Variants in BAZ1A observed in about 807,000 individuals in gnomAD.
BAZ1A encodes the protein bromodomain adjacent to zinc finger domain 1A, also known as bromodomain adjacent to zinc finger domain protein 1A.
In BAZ1A, 50 loss-of-function variants were observed where a neutral mutation model predicts 185.2. The ratio of observed to expected loss-of-function variants is 0.27; its 90% CI spans 0.22 to 0.34. The LOEUF (loss-of-function observed/expected upper bound fraction) is 0.34. Ranked by LOEUF, BAZ1A falls within the 10% of genes least tolerant of loss-of-function variation. The probability of loss-of-function intolerance (pLI) is 1.00; values close to 1 mark genes in which losing one functional copy is unlikely to be tolerated. For synonymous variants in BAZ1A, 571 were observed against 615.6 expected (o/e 0.93, Z 1.07); for missense variants, 1,356 against 1,839.9 (o/e 0.74, Z 4.81).
At chr14:34,775,387 G>T (rs1325458444) in intron 18 of BAZ1A, among the ~76,000 whole-genome samples, 1 of 152,124 alleles carries the variant, frequency 6.6e-6, no homozygotes, top group African/African-American at 2.4e-5. Flanking sequence ...TTTACCTAGA[G>T]AATCTAATTT....
chr14:34,775,084 C>T (rs927285902), intron 18 of BAZ1A, among the ~76,000 whole-genome samples: 3 of 151,714 alleles, frequency 2.0e-5, no homozygotes, highest in South Asian at 2.1e-4. Flanking sequence ...GGTGTGGTGG[C>T]GGGCGCCTGT....
chr14:34,809,373 G>A (rs1218088724), intron 5 of BAZ1A, among the ~76,000 whole-genome samples: 1 of 152,116 alleles, frequency 6.6e-6, no homozygotes, highest in African/African-American at 2.4e-5. Flanking sequence ...GCCACATATT[G>A]TTTATTTATA....
At chr14:34,866,914 C>T (rs527585382) in intron 2 of BAZ1A, among the ~76,000 whole-genome samples, 5 of 150,878 alleles carry the variant, frequency 3.3e-5, no homozygotes, top group East Asian at 3.9e-4. Context: ...CATTTCAATA[C>T]GTAATAAACA....
At chr14:34,846,095 T>C (rs1206030634) in intron 3 of BAZ1A, among the ~76,000 whole-genome samples, 1 of 152,168 alleles carries the variant, frequency 6.6e-6, no homozygotes, top group African/African-American at 2.4e-5. Context: ...TTATAATATT[T>C]GCCTGCCACT....
In BAZ1A at chr14:34,825,581, T is replaced by C. The variant is rs190382393; in HGVS notation, c.536+432A>G. 4.6e-3 allele frequency among the ~76,000 whole-genome samples: 690 copies of C among 151,308 alleles called. 3 individuals carry two copies. In the Middle Eastern group the frequency reaches 0.062, roughly 14 times the overall value. ...GAAAATTCTAACATCATTGTTGAACTAGATTGTTTAGATGGGTACTATACC... is the reference window on the plus strand; with the variant it reads ...GAAAATTCTAACATCATTGTTGAACCAGATTGTTTAGATGGGTACTATACC... On this transcript the variant is annotated intron_variant, in intron 4 of 26. Transcript: ENST00000360310.
intron 12 of BAZ1A, among the ~76,000 whole-genome samples, chr14:34,791,856 A>C (rs1387108392): frequency 6.6e-6 from 1 of 152,234 alleles, no homozygotes; most frequent in Non-Finnish European, 1.5e-5. Context: ...GGTAAATCCT[A>C]AACAAAATAG....
chr14:34,843,933 C>G (rs111887201), intron 3 of BAZ1A, among the ~76,000 whole-genome samples: 1 of 151,978 alleles, frequency 6.6e-6, no homozygotes, highest in African/African-American at 2.4e-5. Flanking sequence ...CGGCCGGGCG[C>G]GGTGGCTCAC....
Position 34,764,761 on chromosome 14 carries a change from T to G in BAZ1A, c.3722A>C (p.Glu1241Ala). The change falls in exon 23 of 27, where the codon GAA (glutamate) becomes GCA (alanine). Residue 1241 changes from glutamate to alanine, a missense_variant. By Grantham distance (107) the Glu-to-Ala change is moderately radical. Around this residue, in one of 7 missense-constraint regions of BAZ1A, gnomAD observed 309 missense variants for 355.3 expected, o/e 0.87. Transcript: ENST00000360310. ...TTCATCTTGTTCTACCTCATACTCTTCCTCCTCACTTTGACCTTCTTCTTC... is the reference window on the plus strand; with the variant it reads ...TTCATCTTGTTCTACCTCATACTCTGCCTCCTCACTTTGACCTTCTTCTTC... ...GDEEEGQSEEEEYEVEQDEDD... is the reference protein window; with the variant it reads ...GDEEEGQSEEAEYEVEQDEDD... The G allele has an allele frequency of 6.2e-7, 1 of 1,608,700 alleles. No individual in the cohort carries two copies. Among genetic ancestry groups the G allele is most frequent in the Non-Finnish European group, 8.5e-7 (1 of 1,175,098 alleles).
At chr14:34,773,549 A>G in intron 20 of BAZ1A, 23 bp downstream of exon 20, 4 of 1,541,318 alleles carry the variant, frequency 2.6e-6, no homozygotes, top group Non-Finnish European at 3.5e-6. Flanking sequence ...AGTAATGGTT[A>G]CTTTAGAAAA....
chr14:34,785,659 T>C (rs1880391183), intron 14 of BAZ1A, 118 bp downstream of exon 14: 3 of 752,806 alleles, frequency 4.0e-6, no homozygotes, highest in South Asian at 1.9e-5. Flanking sequence ...ATAGTTTGCT[T>C]TCTCTTTTTC....
At chr14:34,771,424 G>A in intron 21 of BAZ1A, 87 bp downstream of exon 21, 1 of 1,246,596 alleles carries the variant, frequency 8.0e-7, no homozygotes, top group Non-Finnish European at 1.1e-6. Flanking sequence ...ATTTCATTAT[G>A]TCAGCCAATA....
At chr14:34,831,256 T>C (rs921152302) in intron 3 of BAZ1A, among the ~76,000 whole-genome samples, 8 of 152,200 alleles carry the variant, frequency 5.3e-5, no homozygotes, top group Admixed American at 2.6e-4. Flanking sequence ...GCTGCCATGT[T>C]CTCCCAAAAT....
At position 34,802,994 on chromosome 14, in the gene BAZ1A, T is replaced by G; in HGVS notation, c.727-6A>C. 6.2e-7 allele frequency: 1 copy of G among 1,606,022 alleles called. No individual in the cohort carries two copies. Among genetic ancestry groups the G allele is most frequent in the Non-Finnish European group, 8.5e-7 (1 of 1,173,132 alleles). The stretch of plus-strand genomic sequence containing the variant: ...TACGTTGAAAGAGATGATGCCTTAA[T>G]AAAACAAAGACATAGGGTACAATAA... On this transcript the variant is annotated splice_polypyrimidine_tract_variant and splice_region_variant and intron_variant, in intron 6 of 26. Coordinates refer to ENST00000360310, the MANE Select transcript of BAZ1A (RefSeq NM_013448.3).
rs35830800 is a variant in BAZ1A, at chr14:34,816,080, CTTTTTTTTTT to C, written c.537-5054_537-5045del. ...AAGCTACATACATATTATTCCAGAC[CTTTTTTTTTT>C]TTTTTTTTTTTTTTTGAGATAGTGT... On this transcript the variant is annotated intron_variant, in intron 4 of 26. Transcript: ENST00000360310. Among the ~76,000 whole-genome samples, 5 of 79,426 alleles carry C rather than the reference CTTTTTTTTTT, an allele frequency of 6.3e-5. No individual in the cohort carries two copies. The South Asian group carries it at 1.8e-3, about 28-fold the overall frequency. The allele number at this position is 79,426 out of a possible 152,430, so 52.1% of individuals were successfully genotyped here.
rs561214845 is a variant in BAZ1A at position 34,762,936 on chromosome 14, G to C, written c.3777-713C>G. Among the ~76,000 whole-genome samples the C allele has an allele frequency of 4.6e-5, 7 of 152,238 alleles. No homozygotes were observed. The South Asian group carries it at 1.2e-3, about 27-fold the overall frequency. On this transcript the variant is annotated intron_variant, in intron 23 of 26. Coordinates refer to ENST00000360310, the MANE Select transcript of BAZ1A (RefSeq NM_013448.3). ...AAATGAAATTCTTTTGTCTCCTTTT[G>C]CTACAGGAGACTACCACTTTTCATT... is the stretch of plus-strand genomic sequence containing the variant.
At position 34,875,320 on chromosome 14, in the gene BAZ1A, G is replaced by C. The variant is rs1451368405; in HGVS notation, c.-241C>G. The C allele has an allele frequency of 2.2e-6, 1 of 455,978 alleles. No individual in the cohort carries two copies. Among genetic ancestry groups the C allele is most frequent in the Non-Finnish European group, 4.4e-6 (1 of 226,756 alleles). The allele number at this position is 455,978 out of a possible 1,614,324, so 28.2% of individuals were successfully genotyped here. ...TCCCACCGCCACTTCCCCGCCTCTCGGAGCTCCTGGGAAGTTTCTGATCTA... is the reference window on the plus strand; with the variant it reads ...TCCCACCGCCACTTCCCCGCCTCTCCGAGCTCCTGGGAAGTTTCTGATCTA... On this transcript the variant is annotated 5_prime_UTR_variant, in exon 1 of 27. Coordinates refer to ENST00000360310, the MANE Select transcript of BAZ1A (RefSeq NM_013448.3).
intron 2 of BAZ1A, among the ~76,000 whole-genome samples, chr14:34,869,519 A>C (rs1183001350): frequency 7.4e-6 from 1 of 135,044 alleles, no homozygotes; most frequent in East Asian, 5.7e-4. Context: ...TTCTAGGAAG[A>C]AAGAGTTTTT....
chr14:34,875,088 C>T lies in BAZ1A; in HGVS notation c.-59+50G>A, dbSNP rs1393539161. ...CGGAGCTGCTCCGCTTTGTTCCCGG[C>T]TCGCCTCCACTTCCCCGCCGGCGCC... On this transcript the variant is annotated intron_variant, in intron 1 of 26. Coordinates refer to ENST00000360310, the MANE Select transcript of BAZ1A (RefSeq NM_013448.3). 9 of 360,716 alleles carry T rather than the reference C, an allele frequency of 2.5e-5. No homozygotes were observed. The East Asian group carries it at 6.7e-4, about 27-fold the overall frequency. The allele number at this position is 360,716 out of a possible 1,614,324, so 22.3% of individuals were successfully genotyped here.
intron 5 of BAZ1A, among the ~76,000 whole-genome samples, chr14:34,808,298 A>T (rs922433583): frequency 2.0e-5 from 3 of 152,048 alleles, no homozygotes; most frequent in African/African-American, 7.2e-5. Context: ...GTTCGAGACC[A>T]GCCTGGCCAA....
Sources: gnomAD v4.1 joint callset for allele counts (sites outside exome capture counted in the v4.1 genomes callset) on GRCh38, gnomAD v4.1.1 for gene constraint, gnomAD v4.1.1 regional missense constraint, MANE v1.5 for transcripts, NCBI Gene and HGNC (gene_info 2026-07-23, HGNC 2026-07-21) for gene names.